SLC9A6: variants seen among roughly 807,000 people sequenced by gnomAD.
The protein encoded by SLC9A6 is solute carrier family 9 member A6.
A neutral mutation model predicts 45.3 loss-of-function variants in SLC9A6; 6 were observed. The ratio of observed to expected loss-of-function variants is 0.13; its 90% CI spans 0.07 to 0.26. The LOEUF (loss-of-function observed/expected upper bound fraction) is 0.26, where lower values mean the gene tolerates loss of function less well. SLC9A6 is among the 10% of genes least tolerant of loss of function. SLC9A6 has a pLI of 1.00. For synonymous variants in SLC9A6, 191 were observed against 187.7 expected, an observed-to-expected ratio of 1.02 and a Z score of -0.14; for missense variants, 278 against 503.7, an observed-to-expected ratio of 0.55 and a Z score of 4.29.
upstream of SLC9A6, chrX:135,985,411 C>T (rs1270331135): frequency 1.6e-6 from 1 of 607,707 alleles, no homozygotes; most frequent in Non-Finnish European, 2.2e-6. Context: ...CGACGGCTAC[C>T]CCCGGGCCCC....
intron 13 of SLC9A6, among the ~76,000 whole-genome samples, chrX:136,027,368 T>G (rs1050209307): frequency 4.5e-5 from 5 of 111,422 alleles, no homozygotes; most frequent in Non-Finnish European, 9.4e-5. Context: ...AAGAGCAGTC[T>G]AGGCAGAGGG....
At chrX:136,015,798 C>T (rs978483671) in intron 10 of SLC9A6, among the ~76,000 whole-genome samples, 42 of 111,600 alleles carry the variant, frequency 3.8e-4, no homozygotes, top group African/African-American at 1.3e-3. Flanking sequence ...GCCACACAGC[C>T]AGCAAAGGGG....
chrX:136,018,673 A>G (rs2071067137), intron 11 of SLC9A6, among the ~76,000 whole-genome samples: 1 of 111,999 alleles, frequency 8.9e-6, no homozygotes, highest in African/African-American at 3.2e-5. Flanking sequence ...AGTTGAACAC[A>G]AAATATGGAA....
upstream of SLC9A6, among the ~76,000 whole-genome samples, chrX:135,974,470 G>T (rs1452239497): frequency 5.4e-5 from 4 of 73,830 alleles, no homozygotes; most frequent in Non-Finnish European, 1.1e-4. Context: ...GGGACCGAGG[G>T]GGCGGGGAGG....
chrX:136,026,009 T>C (rs1465735096), intron 13 of SLC9A6, among the ~76,000 whole-genome samples: 1 of 112,036 alleles, frequency 8.9e-6, no homozygotes, highest in Non-Finnish European at 1.9e-5. Flanking sequence ...AAAACGTACC[T>C]ACTCACACAA....
chrX:136,036,370 T>G (rs1556621830), intron 16 of SLC9A6, among the ~76,000 whole-genome samples: 1 of 111,862 alleles, frequency 8.9e-6, no homozygotes, highest in Non-Finnish European at 1.9e-5. Context: ...TTTTTTTCTC[T>G]CATTGATTTA....
At chrX:135,997,961 A>G in intron 3 of SLC9A6, 147 bp from the exon 4 acceptor site, 1 of 446,932 alleles carries the variant, frequency 2.2e-6, no homozygotes, top group Non-Finnish European at 4.0e-6. Flanking sequence ...AATAGAAACT[A>G]TCCTATATGA....
intron 11 of SLC9A6, among the ~76,000 whole-genome samples, chrX:136,018,735 T>G (rs1368905212): frequency 1.8e-5 from 2 of 110,315 alleles, no homozygotes; most frequent in East Asian, 5.7e-4. Flanking sequence ...TTAAAAGAAA[T>G]ATTTTAAAAC....
intron 5 of SLC9A6, 141 bp downstream of exon 5, chrX:135,998,699 A>G: frequency 1.5e-6 from 1 of 657,096 alleles, no homozygotes; most frequent in Non-Finnish European, 2.4e-6. Context: ...AAGTTGTTTG[A>G]ATTTTCCTTA....
rs782510667 is a variant in SLC9A6, at chrX:136,032,052, C to CTTAT, written c.1582-1342_1582-1339dup. On this transcript the variant is annotated intron_variant, in intron 15 of 17. Coordinates refer to ENST00000630721, the MANE Select transcript of SLC9A6 (RefSeq NM_001379110.1). ...AGAATCTAAACTCTGTGCTTGCTTG[C>CTTAT]TTATTTATTTATTTATTTATTTACT... Among the ~76,000 whole-genome samples, 77 of 111,920 alleles carry CTTAT rather than the reference C, an allele frequency of 6.9e-4. No homozygotes were observed. The East Asian group carries it at 0.014, about 20-fold the overall frequency.
At position 135,996,269 on chromosome X, in the gene SLC9A6, C is replaced by T. The variant is rs782793553; in HGVS notation, c.369+1284C>T. ...CTTGTCTCAAACTCCTGGACTCAGG[C>T]GAACCACCCACCTCAGCCTCCCAGA... On this transcript the variant is annotated intron_variant, in intron 3 of 17. Coordinates refer to ENST00000630721, the MANE Select transcript of SLC9A6 (RefSeq NM_001379110.1). 9.1e-5 allele frequency among the ~76,000 whole-genome samples: 10 copies of T among 109,390 alleles called. 1 individual carries two copies. In the South Asian group the frequency reaches 3.9e-3, roughly 43 times the overall value. The allele number at this position is 109,390 out of a possible 115,157, so 95.0% of individuals were successfully genotyped here.
chrX:135,986,053 AC>A (rs2089333821), intron 2 of SLC9A6, among the ~76,000 whole-genome samples: 1 of 102,961 alleles, frequency 9.7e-6, no homozygotes, highest in Non-Finnish European at 2.0e-5. Context: ...TTCGCTTCCG[AC>A]CCCACCCCCT....
intron 7 of SLC9A6, among the ~76,000 whole-genome samples, chrX:136,004,886 A>G (rs782290723): frequency 1.1e-4 from 12 of 112,494 alleles, no homozygotes; most frequent in Admixed American, 1.9e-4. Context: ...AATGGATAGT[A>G]TGGTTATAAA....
In SLC9A6 at chrX:136,002,144, A is replaced by G. The variant is rs1248694142; in HGVS notation, c.674A>G (p.Asp225Gly). ...GCTATATTCCACGAGCTTCAAGTTG[A>G]TGTTGAACTCTATGCACTTCTTTTT... ...VLAIFHELQVDVELYALLFGE... is the reference protein window; with the variant it reads ...VLAIFHELQVGVELYALLFGE... Residue 225 changes from aspartate to glycine, a missense_variant, in exon 7 of 18, where the codon GAT (aspartate) becomes GGT (glycine). Physicochemically the swap from Asp to Gly is moderately conservative, Grantham distance 94 (BLOSUM62 -1). Transcript: ENST00000630721. The G allele has an allele frequency of 2.5e-6, 3 of 1,206,475 alleles. No individual in the cohort carries two copies. The highest frequency in any genetic ancestry group is 3.5e-5 in the African/African-American group (2 of 57,020).
intron 2 of SLC9A6, among the ~76,000 whole-genome samples, chrX:135,991,947 C>G (rs1226400117): frequency 9.0e-6 from 1 of 111,099 alleles, no homozygotes; most frequent in African/African-American, 3.3e-5. Context: ...ACTTGCTCCC[C>G]TGGCGATCTC....
intron 15 of SLC9A6, among the ~76,000 whole-genome samples, chrX:136,030,757 G>A (rs1387137516): frequency 9.0e-6 from 1 of 111,512 alleles, no homozygotes; most frequent in Non-Finnish European, 1.9e-5. Flanking sequence ...TGAATGCATT[G>A]TAACTCACTG....
intron 10 of SLC9A6, among the ~76,000 whole-genome samples, chrX:136,014,780 A>T (rs891505208): frequency 1.2e-4 from 13 of 112,552 alleles, no homozygotes; most frequent in African/African-American, 4.2e-4. Context: ...CAAACAAACA[A>T]ACAACAAAAA....
At chrX:136,005,553 C>A (rs781984355) in intron 7 of SLC9A6, among the ~76,000 whole-genome samples, 5 of 111,543 alleles carry the variant, frequency 4.5e-5, no homozygotes, top group Non-Finnish European at 9.4e-5. Context: ...TGGTGGCACA[C>A]GCCTGTAATC....
At chrX:136,008,367 C>G (rs2070858488) in intron 7 of SLC9A6, among the ~76,000 whole-genome samples, 1 of 111,570 alleles carries the variant, frequency 9.0e-6, no homozygotes, top group Non-Finnish European at 1.9e-5. Flanking sequence ...TCCCAAGTAG[C>G]TGGGATTACA....
Sources: gnomAD v4.1 joint callset for allele counts (sites outside exome capture counted in the v4.1 genomes callset) on GRCh38, gnomAD v4.1.1 for gene constraint, MANE v1.5 for transcripts, NCBI Gene and HGNC (gene_info 2026-07-23, HGNC 2026-07-21) for gene names.